PPP1R12A: variants seen among roughly 807,000 people sequenced by gnomAD.
PPP1R12A encodes the protein protein phosphatase 1 regulatory subunit 12A.
A neutral mutation model predicts 139.6 loss-of-function variants in PPP1R12A; 19 were observed. The observed-to-expected ratio is 0.14, with a 90% CI of 0.09 to 0.20. PPP1R12A has a LOEUF of 0.20. Ranked by LOEUF, PPP1R12A falls within the 10% of genes least tolerant of loss-of-function variation. PPP1R12A has a pLI of 1.00. For missense variants in PPP1R12A, 925 were observed against 1,211.5 expected (o/e 0.76, Z 3.51); for synonymous variants, 427 against 420.6 (o/e 1.02, Z -0.19).
In PPP1R12A at chr12:79,906,625, T is replaced by G. The variant is rs112406804; in HGVS notation, c.237+28070A>C. Among the ~76,000 whole-genome samples the G allele has an allele frequency of 2.1e-3, 306 of 143,606 alleles. 4 individuals carry two copies. In the East Asian group the frequency reaches 0.042, roughly 20 times the overall value. The allele number at this position is 143,606 out of a possible 152,430, so 94.2% of individuals were successfully genotyped here. On this transcript the variant is annotated intron_variant, in intron 1 of 24. Transcript: ENST00000450142. ...TTTATGTATGTATGTATGTATGTATTTATTTATTTATAAATTTATTTATTT... is the reference window on the plus strand; with the variant it reads ...TTTATGTATGTATGTATGTATGTATGTATTTATTTATAAATTTATTTATTT...
intron 2 of PPP1R12A, among the ~76,000 whole-genome samples, chr12:79,871,812 A>G (rs929064881): frequency 2.0e-5 from 3 of 152,212 alleles, no homozygotes; most frequent in Non-Finnish European, 4.4e-5. Context: ...GAACTTGAGA[A>G]TCACAATTGT....
intron 2 of PPP1R12A, among the ~76,000 whole-genome samples, chr12:79,853,156 G>GT (rs947023817): frequency 5.9e-5 from 9 of 152,102 alleles, no homozygotes; most frequent in South Asian, 2.1e-4. Context: ...TGTGACCAAT[G>GT]TTTTTTTCTG....
At chr12:79,898,493 T>A (rs1885335359) in intron 1 of PPP1R12A, among the ~76,000 whole-genome samples, 1 of 152,022 alleles carries the variant, frequency 6.6e-6, no homozygotes, top group African/African-American at 2.4e-5. Flanking sequence ...ACCCTTACAC[T>A]ATGAAGAAAA....
intron 23 of PPP1R12A, chr12:79,780,450 T>A (rs542495193): frequency 6.6e-6 from 1 of 152,186 alleles, no homozygotes; most frequent in East Asian, 1.9e-4. Flanking sequence ...GTCTGCATCA[T>A]GTGTATGTTA....
At chr12:79,891,337 CAG>C (rs1884625450) in intron 1 of PPP1R12A, among the ~76,000 whole-genome samples, 1 of 151,946 alleles carries the variant, frequency 6.6e-6, no homozygotes, top group African/African-American at 2.4e-5. Context: ...GTTGAGGAAA[CAG>C]GAGTTAATAC....
chr12:79,805,975 G>C (rs1372625777), intron 13 of PPP1R12A, among the ~76,000 whole-genome samples, 191 bp downstream of exon 13: 1 of 152,108 alleles, frequency 6.6e-6, no homozygotes, highest in East Asian at 1.9e-4. Flanking sequence ...TTCAAGGAAA[G>C]TTCATAGTTC....
chr12:79,777,479 CTG>C (rs1869877283), intron 24 of PPP1R12A: 1 of 985,228 alleles, frequency 1.0e-6, no homozygotes, highest in African/African-American at 1.7e-5. Flanking sequence ...ATAAAAACAC[CTG>C]CCTGGCTCTA....
chr12:79,844,988 C>G (rs1345096240), intron 3 of PPP1R12A, among the ~76,000 whole-genome samples: 1 of 152,182 alleles, frequency 6.6e-6, no homozygotes, highest in African/African-American at 2.4e-5. Context: ...CACTATTTAA[C>G]TTTGCAATGT....
At chr12:79,847,329 C>T (rs1565775698) in intron 2 of PPP1R12A, among the ~76,000 whole-genome samples, 2 of 152,112 alleles carry the variant, frequency 1.3e-5, no homozygotes, top group Admixed American at 6.5e-5. Flanking sequence ...ATATTATTCT[C>T]TTAATAGATG....
intron 3 of PPP1R12A, among the ~76,000 whole-genome samples, chr12:79,842,197 A>G (rs1878800772): frequency 6.6e-6 from 1 of 152,064 alleles, no homozygotes; most frequent in Non-Finnish European, 1.5e-5. Flanking sequence ...GCATGCGCCT[A>G]CAGTCCCAGC....
At chr12:79,906,386 A>T (rs1886115062) in intron 1 of PPP1R12A, among the ~76,000 whole-genome samples, 1 of 152,146 alleles carries the variant, frequency 6.6e-6, no homozygotes, top group South Asian at 2.1e-4. Flanking sequence ...AGGCAAAAGG[A>T]GTATACCAAT....
chr12:79,817,217 A>G (rs147101839), intron 9 of PPP1R12A, among the ~76,000 whole-genome samples, 177 bp downstream of exon 9: 79 of 152,350 alleles, frequency 5.2e-4, no homozygotes, highest in African/African-American at 1.8e-3. Flanking sequence ...AAAAGGATAA[A>G]AAAACATGAT....
At chr12:79,869,713 T>C (rs1220787447) in intron 2 of PPP1R12A, among the ~76,000 whole-genome samples, 1 of 152,094 alleles carries the variant, frequency 6.6e-6, no homozygotes, top group African/African-American at 2.4e-5. Context: ...GAAAAAAGAC[T>C]TAGGAAGAAA....
At chr12:79,825,575 G>C (rs577817747) in intron 5 of PPP1R12A, 1 of 151,840 alleles carries the variant, frequency 6.6e-6, no homozygotes, top group African/African-American at 2.4e-5. Flanking sequence ...CTTCCATGTA[G>C]AAAGTTTCAG....
chr12:79,820,679 A>G, intron 8 of PPP1R12A, 95 bp downstream of exon 8: 1 of 1,325,756 alleles, frequency 7.5e-7, no homozygotes, highest in Non-Finnish European at 1.0e-6. Flanking sequence ...AACAAGTAGC[A>G]AATCAGTCTG....
At chr12:79,883,506 A>C (rs554494811) in intron 1 of PPP1R12A, among the ~76,000 whole-genome samples, 2 of 152,256 alleles carry the variant, frequency 1.3e-5, no homozygotes, top group East Asian at 3.9e-4. Context: ...GTTAAGATGC[A>C]GGAAGAAGAC....
At chr12:79,911,308 C>T (rs1482008141) in intron 1 of PPP1R12A, among the ~76,000 whole-genome samples, 1 of 152,132 alleles carries the variant, frequency 6.6e-6, no homozygotes, top group African/African-American at 2.4e-5. Flanking sequence ...CAGCCTCTCT[C>T]CTCTTCAGTG....
At chr12:79,874,268 C>T (rs1295000084) in intron 1 of PPP1R12A, among the ~76,000 whole-genome samples, 1 of 147,062 alleles carries the variant, frequency 6.8e-6, no homozygotes, top group Non-Finnish European at 1.5e-5. Flanking sequence ...AGCAAGACTC[C>T]GTCTCCAAAA....
intron 2 of PPP1R12A, 118 bp downstream of exon 2, chr12:79,872,690 A>G: frequency 8.8e-7 from 1 of 1,139,448 alleles, no homozygotes; most frequent in Non-Finnish European, 1.2e-6. Flanking sequence ...TCTTGGAAAG[A>G]ATAATTTTCA....
Sources: allele counts gnomAD v4.1 joint callset (sites outside exome capture counted in the v4.1 genomes callset), GRCh38; gene constraint gnomAD v4.1.1; transcripts MANE v1.5; gene names NCBI Gene and HGNC (gene_info 2026-07-23, HGNC 2026-07-21).